The following AHRR variants were observed in gnomAD, a reference collection of about 807,000 sequenced individuals.
AHRR encodes the protein ahR repressor.
Under a neutral mutation model 44.0 loss-of-function variants are expected in AHRR, and 28 were observed. That is an observed-to-expected ratio of 0.64 (90% confidence interval 0.47 to 0.87). The LOEUF is 0.87. Among genes scored for constraint, AHRR ranks in the 40% least tolerant of loss-of-function variants. The pLI is 0.00. For synonymous variants in AHRR, 434 were observed against 407.0 expected, an observed-to-expected ratio of 1.07 and a Z score of -0.80; for missense variants, 990 against 953.9, an observed-to-expected ratio of 1.04 and a Z score of -0.50.
At chr5:398,153 ATCCACG>A (rs1734837479) in intron 4 of AHRR, among the ~76,000 whole-genome samples, 1 of 123,400 alleles carries the variant, frequency 8.1e-6, no homozygotes, top group African/African-American at 3.6e-5. Flanking sequence ...GCCCCTGACC[ATCCACG>A]TAGCCCCTGA....
intron 2 of AHRR, among the ~76,000 whole-genome samples, chr5:346,631 GC>G (rs1742687765): frequency 6.6e-6 from 1 of 152,140 alleles, no homozygotes; most frequent in Admixed American, 6.6e-5. Flanking sequence ...ACCCTTCCTG[GC>G]CCCCTACGTG....
chr5:418,481 A>C (rs189575819), intron 5 of AHRR, among the ~76,000 whole-genome samples: 61 of 152,224 alleles, frequency 4.0e-4, no homozygotes, highest in Admixed American at 2.4e-3. Flanking sequence ...ACCCTCCTCC[A>C]CATGTGCCAT....
chr5:352,686 G>A (rs1185742614), intron 2 of AHRR, among the ~76,000 whole-genome samples: 1 of 147,868 alleles, frequency 6.8e-6, no homozygotes, highest in African/African-American at 2.5e-5. Flanking sequence ...GTCAGCTGTA[G>A]GGGATGGTCA....
chr5:431,273 C>T (rs1014027181), intron 8 of AHRR, among the ~76,000 whole-genome samples: 1 of 152,202 alleles, frequency 6.6e-6, no homozygotes, highest in Non-Finnish European at 1.5e-5. Flanking sequence ...CTGGACGAGA[C>T]CCCCTGTGGG....
chr5:379,543 T>A (rs192593455), intron 4 of AHRR, among the ~76,000 whole-genome samples: 9 of 152,374 alleles, frequency 5.9e-5, no homozygotes, highest in African/African-American at 1.7e-4. Flanking sequence ...GCCATTTTAA[T>A]ACTGGAATCT....
At chr5:345,699 G>C (rs1742648375) in intron 2 of AHRR, among the ~76,000 whole-genome samples, 1 of 151,958 alleles carries the variant, frequency 6.6e-6, no homozygotes, top group African/African-American at 2.4e-5. Flanking sequence ...CCTAACACCT[G>C]CTGTGATAAT....
Position 376,591 on chromosome 5 carries a change from GTCTTT to G in AHRR, c.245-14_245-10del. The G allele has an allele frequency of 1.4e-6, 1 of 740,154 alleles. No homozygotes were observed. The highest frequency in any genetic ancestry group is 3.4e-5 in the South Asian group (1 of 29,000). The allele number at this position is 740,154 out of a possible 1,614,324, so 45.8% of individuals were successfully genotyped here. A position where few individuals can be genotyped will look rare whatever the true frequency, so the allele number is the denominator to read the frequency against. ...GCCAAGGGTTGGGGGTGCCTAATGTGTCTTTTCTTCTCTGACAGTCGTGCAGGAGC... is the reference window on the plus strand; with the variant it reads ...GCCAAGGGTTGGGGGTGCCTAATGTGTCTTCTCTGACAGTCGTGCAGGAGC... On this transcript the variant is annotated splice_polypyrimidine_tract_variant and intron_variant, in intron 3 of 10. Transcript: ENST00000684583.
rs1734262888 is a variant in AHRR at position 388,489 on chromosome 5, G to C, written c.351+11773G>C. 6.6e-6 allele frequency among the ~76,000 whole-genome samples: 1 copy of C among 152,228 alleles called. No homozygotes were observed. The highest frequency in any genetic ancestry group is 2.4e-5 in the African/African-American group (1 of 41,458). Reference sequence around the variant, plus strand: ...TAAGGAGGGAGCCGGGGTCCCCACTGCTGCTTTTCTCCCAGGGGGAGCCTG... The same window carrying C: ...TAAGGAGGGAGCCGGGGTCCCCACTCCTGCTTTTCTCCCAGGGGGAGCCTG... On this transcript the variant is annotated intron_variant, in intron 4 of 10. Transcript: ENST00000684583. This position sits in a 1 kb window ranked among gnomAD's most constrained non-coding sequence, Gnocchi z 5.2.
chr5:401,064 G>A (rs182571391), intron 4 of AHRR, among the ~76,000 whole-genome samples: 128 of 152,318 alleles, frequency 8.4e-4, no homozygotes, highest in African/African-American at 2.9e-3. Flanking sequence ...GGCTCAGAGC[G>A]GGCAGTTGGA....
intron 4 of AHRR, among the ~76,000 whole-genome samples, chr5:392,695 G>C (rs1180242859): frequency 2.0e-5 from 3 of 152,176 alleles, no homozygotes; most frequent in Non-Finnish European, 2.9e-5. Flanking sequence ...CTGGTTTTAG[G>C]GACAACGGCT....
rs954557524 is a variant in AHRR, at chr5:436,093, G to C, written c.*1259G>C. 2 of 152,520 alleles carry C rather than the reference G, an allele frequency of 1.3e-5. No homozygotes were observed. Among genetic ancestry groups the C allele is most frequent in the African/African-American group, 4.8e-5 (2 of 41,260 alleles). The allele number at this position is 152,520 out of a possible 1,614,324, so 9.4% of individuals were successfully genotyped here. A position where few individuals can be genotyped will look rare whatever the true frequency, so the allele number is the denominator to read the frequency against. On this transcript the variant is annotated 3_prime_UTR_variant, in exon 11 of 11. Transcript: ENST00000684583. ...TGCAGCTGGGCCCACCTGTGCGGGG[G>C]TGGGAAGGCCCCATCCTCAGGGAGA...
intron 8 of AHRR, among the ~76,000 whole-genome samples, chr5:431,045 C>G (rs973748319): frequency 1.8e-4 from 27 of 152,238 alleles, no homozygotes; most frequent in South Asian, 8.3e-4. Flanking sequence ...CCTCCGCTTA[C>G]CGTCACCGTG....
At position 342,354 on chromosome 5, in the gene AHRR, T is replaced by C. The variant is rs1255660483; in HGVS notation, c.-10-1539T>C. Among the ~76,000 whole-genome samples, 1 of 152,366 alleles carries C rather than the reference T, an allele frequency of 6.6e-6. No homozygotes were observed. The highest frequency in any genetic ancestry group is 1.5e-5 in the Non-Finnish European group (1 of 68,034). ...TTGAAGCTCCATTGCTAGGTACATT[T>C]ACCTTTAGGATTGTCAGATCTTCTT... On this transcript the variant is annotated intron_variant, in intron 1 of 10. Transcript: ENST00000684583. The surrounding 1 kb of genome is among the most constrained non-coding windows in gnomAD (Gnocchi z 4.3).
intron 4 of AHRR, among the ~76,000 whole-genome samples, chr5:378,829 C>T (rs956170721): frequency 6.6e-6 from 1 of 152,208 alleles, no homozygotes; most frequent in Non-Finnish European, 1.5e-5. Context: ...ACGGATGTGG[C>T]CTGTCTCGGG....
intron 1 of AHRR, among the ~76,000 whole-genome samples, chr5:323,623 C>T (rs540448874): frequency 6.6e-6 from 1 of 152,278 alleles, no homozygotes; most frequent in African/African-American, 2.4e-5. Flanking sequence ...CAGAGGGAGA[C>T]GGCTTGTGGC....
At chr5:420,420 C>A (rs1330564823) in intron 5 of AHRR, among the ~76,000 whole-genome samples, 2 of 152,130 alleles carry the variant, frequency 1.3e-5, no homozygotes, top group African/African-American at 4.8e-5. Flanking sequence ...GGAGGAGTGA[C>A]CCCCCACTGC....
chr5:415,712 C>CG (rs1735771578), intron 5 of AHRR, among the ~76,000 whole-genome samples: 7 of 132,132 alleles, frequency 5.3e-5, no homozygotes, highest in Non-Finnish European at 1.0e-4. Context: ...TCTGCCTGGT[C>CG]GGCTGGGAGG....
rs1400424808 is a variant in AHRR at position 420,751 on chromosome 5, G to C, written c.442-1978G>C. 2.1e-5 allele frequency among the ~76,000 whole-genome samples: 3 copies of C among 142,672 alleles called. No individual in the cohort carries two copies. In the South Asian group the frequency reaches 6.7e-4, roughly 32 times the overall value. The allele number at this position is 142,672 out of a possible 152,430, so 93.6% of individuals were successfully genotyped here. ...AAGGGACTGGGCAAGGCAGCTGGAC[G>C]GCTCAGTGGGGATTCCAGAAAGAGA... is the stretch of plus-strand genomic sequence containing the variant. On this transcript the variant is annotated intron_variant, in intron 5 of 10. Coordinates refer to ENST00000684583, the MANE Select transcript of AHRR (RefSeq NM_001377236.1).
At chr5:393,166 G>A (rs1734546766) in intron 4 of AHRR, among the ~76,000 whole-genome samples, 1 of 152,164 alleles carries the variant, frequency 6.6e-6, no homozygotes, top group Non-Finnish European at 1.5e-5. Flanking sequence ...CTTTCAGGTT[G>A]ATTTGCTGTT....
Sources: gnomAD v4.1 joint callset for allele counts (sites outside exome capture counted in the v4.1 genomes callset) on GRCh38, gnomAD v4.1.1 for gene constraint, Gnocchi (gnomAD v3.1) non-coding constraint, MANE v1.5 for transcripts, NCBI Gene and HGNC (gene_info 2026-07-23, HGNC 2026-07-21) for gene names.